SEC11C: variants seen among roughly 807,000 people sequenced by gnomAD.
SEC11C encodes the protein SEC11 homolog C, signal peptidase complex subunit, also known as signal peptidase complex catalytic subunit SEC11C.
In SEC11C, 10 loss-of-function variants were observed where a neutral mutation model predicts 21.9. The observed-to-expected ratio is 0.46, with a 90% CI of 0.28 to 0.77. SEC11C has a LOEUF of 0.77. SEC11C is among the 30% of genes least tolerant of loss of function. The pLI is 0.12. For synonymous variants in SEC11C, 83 were observed against 85.6 expected (o/e 0.97, Z 0.17); for missense variants, 145 against 244.5 (o/e 0.59, Z 2.71).
intron 5 of SEC11C, among the ~76,000 whole-genome samples, chr18:59,158,196 C>G (rs1197455691): frequency 6.6e-6 from 1 of 152,132 alleles, no homozygotes; most frequent in Non-Finnish European, 1.5e-5. Flanking sequence ...GCTGGGATTA[C>G]AGGTGCCCGC....
At chr18:59,146,991 G>A (rs868813381) in intron 1 of SEC11C, 2 of 152,176 alleles carry the variant, frequency 1.3e-5, no homozygotes, top group South Asian at 2.1e-4. Flanking sequence ...AGCAGCTTTC[G>A]TGTCACCTGG....
intron 1 of SEC11C, among the ~76,000 whole-genome samples, chr18:59,143,743 C>G: frequency 6.6e-6 from 1 of 152,184 alleles, no homozygotes; most frequent in East Asian, 1.9e-4. Flanking sequence ...TGTGTTTGGT[C>G]ATGTCATTAA....
intron 1 of SEC11C, among the ~76,000 whole-genome samples, chr18:59,146,074 G>A (rs1479192451): frequency 1.3e-5 from 2 of 152,206 alleles, no homozygotes; most frequent in Non-Finnish European, 2.9e-5. Flanking sequence ...CACAGAGAAT[G>A]GATCAGAAGA....
intron 3 of SEC11C, among the ~76,000 whole-genome samples, chr18:59,154,161 A>G (rs191205069): frequency 6.6e-6 from 1 of 152,332 alleles, no homozygotes; most frequent in Non-Finnish European, 1.5e-5. Flanking sequence ...TTCCTGAGGA[A>G]GAAGCATCCT....
chr18:59,145,364 A>T (rs1049560240), intron 1 of SEC11C, among the ~76,000 whole-genome samples: 1 of 152,206 alleles, frequency 6.6e-6, no homozygotes, highest in Non-Finnish European at 1.5e-5. Context: ...TTACACAAAA[A>T]TTTGCTGATT....
chr18:59,158,558 T>A, intron 5 of SEC11C, 74 bp from the exon 6 acceptor site: 1 of 1,172,690 alleles, frequency 8.5e-7, no homozygotes, highest in Non-Finnish European at 1.3e-6. Flanking sequence ...TTTAACGGAC[T>A]TCATCTGAAT....
At chr18:59,140,788 T>C (rs1279231273) in intron 1 of SEC11C, among the ~76,000 whole-genome samples, 1 of 152,214 alleles carries the variant, frequency 6.6e-6, no homozygotes, top group Non-Finnish European at 1.5e-5. Context: ...TAGCCACTTA[T>C]TGGCCATCAT....
At chr18:59,140,930 C>T (rs1409345386) in intron 1 of SEC11C, among the ~76,000 whole-genome samples, 3 of 152,062 alleles carry the variant, frequency 2.0e-5, no homozygotes, top group African/African-American at 7.2e-5. Flanking sequence ...CCTGTAGGAC[C>T]TGAATATCAC....
intron 3 of SEC11C, among the ~76,000 whole-genome samples, chr18:59,154,637 T>C (rs1283711874): frequency 6.6e-6 from 1 of 152,256 alleles, no homozygotes; most frequent in Non-Finnish European, 1.5e-5. Context: ...TAACAAATTC[T>C]GCATTTGGCA....
chr18:59,141,443 G>C (rs2069209271), intron 1 of SEC11C, among the ~76,000 whole-genome samples: 1 of 152,190 alleles, frequency 6.6e-6, no homozygotes, highest in Non-Finnish European at 1.5e-5. Context: ...TCTAAAATTG[G>C]TACTGATTAC....
At chr18:59,153,319 G>A (rs769980377) in intron 3 of SEC11C, 1 of 152,176 alleles carries the variant, frequency 6.6e-6, no homozygotes, top group Non-Finnish European at 1.5e-5. Flanking sequence ...CCATGAGAGA[G>A]TACTTCACAT....
chr18:59,155,806 G>C lies in SEC11C; in HGVS notation c.466G>C (p.Gly156Arg). Residue 156 changes from glycine to arginine, a missense_variant and splice_region_variant, in exon 4 of 6, where the codon GGG becomes CGG. By Grantham distance (125) the Gly-to-Arg change is moderately radical. Transcript: ENST00000587834. ...GAAGGACGTGGTGGGAAGAGCAAGA[G>C]GGTGAGGATTCACCTTTAAGTTATA... ...EKKDVVGRAR[G>R]FLPYVGMVTI... 1 of 1,613,448 alleles carries C rather than the reference G, an allele frequency of 6.2e-7. No homozygotes were observed. The highest frequency in any genetic ancestry group is 2.2e-5 in the East Asian group (1 of 44,870).
At chr18:59,141,161 C>T (rs777586297) in intron 1 of SEC11C, among the ~76,000 whole-genome samples, 2 of 152,080 alleles carry the variant, frequency 1.3e-5, no homozygotes, top group Non-Finnish European at 2.9e-5. Flanking sequence ...TCACTCTCCT[C>T]CCCCTTCCCC....
At chr18:59,158,537 T>C in intron 5 of SEC11C, 95 bp from the exon 6 acceptor site, 1 of 936,346 alleles carries the variant, frequency 1.1e-6, no homozygotes, top group Admixed American at 1.8e-5. Context: ...GATTCTGTCC[T>C]CAGCGCAGTA....
chr18:59,140,085 G>A (rs1055181788), intron 1 of SEC11C, 50 bp downstream of exon 1: 9 of 1,480,052 alleles, frequency 6.1e-6, no homozygotes, highest in Non-Finnish European at 7.3e-6. Context: ...GCCTGTGCTA[G>A]CGGGGAGTCG....
At chr18:59,151,224 T>A (rs1603377603) in intron 2 of SEC11C, among the ~76,000 whole-genome samples, 1 of 152,208 alleles carries the variant, frequency 6.6e-6, no homozygotes, top group Non-Finnish European at 1.5e-5. Flanking sequence ...CCCTTAACCG[T>A]TACTTTTCTA....
At chr18:59,145,887 C>G (rs368802050) in intron 1 of SEC11C, among the ~76,000 whole-genome samples, 5 of 152,148 alleles carry the variant, frequency 3.3e-5, no homozygotes, top group African/African-American at 1.2e-4. Flanking sequence ...GCATGCTGCA[C>G]AGGTTTCTAG....
At chr18:59,151,306 T>G (rs568638537) in intron 2 of SEC11C, among the ~76,000 whole-genome samples, 11 of 135,950 alleles carry the variant, frequency 8.1e-5, no homozygotes, top group African/African-American at 3.2e-4. Context: ...TGAAATTATC[T>G]TAAGCATTTT....
intron 4 of SEC11C, chr18:59,157,038 T>A (rs2069425569): frequency 6.6e-6 from 1 of 152,632 alleles, no homozygotes; most frequent in Non-Finnish European, 1.5e-5. Context: ...GATTACATAT[T>A]GCTGTTGATT....
Sources: gnomAD v4.1 joint callset for allele counts (sites outside exome capture counted in the v4.1 genomes callset) on GRCh38, gnomAD v4.1.1 for gene constraint, MANE v1.5 for transcripts, NCBI Gene and HGNC (gene_info 2026-07-23, HGNC 2026-07-21) for gene names.